The following CNTN6 variants were observed in gnomAD, a reference collection of about 807,000 sequenced individuals.
CNTN6 encodes the protein contactin 6, also known as contactin-6.
A neutral mutation model predicts 122.8 loss-of-function variants in CNTN6; 137 were observed. That is an observed-to-expected ratio of 1.12 (90% CI 0.97 to 1.29). The LOEUF is 1.29. CNTN6 is among the 50% of genes most tolerant of loss of function. The pLI is 0.00. For synonymous variants in CNTN6, 570 were observed against 426.0 expected (o/e 1.34, Z -4.16); for missense variants, 1,634 against 1,223.4 (o/e 1.34, Z -5.01).
At position 1,377,049 on chromosome 3, in the gene CNTN6, C is replaced by T. The variant is rs920176209; in HGVS notation, c.2140C>T (p.Arg714Trp). ...AAACATCCATGGAGGTGGAGGAAGT[C>T]GGTCTGAACTCGTCATTACGTGGGA... The part of the protein sequence containing the change: ...PVNIHGGGGS[R>W]SELVITWESI... The change falls in exon 17 of 23, where the codon CGG (arginine) becomes TGG (tryptophan). Residue 714 changes from arginine (R) to tryptophan (W), a missense_variant. Coordinates refer to ENST00000446702, the MANE Select transcript of CNTN6 (RefSeq NM_001289080.2). 3.1e-6 allele frequency: 5 copies of T among 1,601,502 alleles called. No individual in the cohort carries two copies. The highest frequency in any genetic ancestry group is 2.3e-5 in the East Asian group (1 of 44,284).
intron 7 of CNTN6, among the ~76,000 whole-genome samples, chr3:1,313,191 T>C (rs935415937): frequency 5.3e-5 from 8 of 152,114 alleles, no homozygotes; most frequent in African/African-American, 1.9e-4. Flanking sequence ...TATTATTTAT[T>C]AATAAAAAAT....
At chr3:1,352,595 C>A in intron 12 of CNTN6, 144 bp downstream of exon 12, 2 of 925,808 alleles carry the variant, frequency 2.2e-6, no homozygotes, top group Non-Finnish European at 3.2e-6. Flanking sequence ...CATTCCCGTA[C>A]TCATTAATAA....
chr3:1,167,924 T>C (rs1054197350), intron 2 of CNTN6, among the ~76,000 whole-genome samples: 1 of 152,206 alleles, frequency 6.6e-6, no homozygotes, highest in Admixed American at 6.5e-5. Context: ...TTCATTTATT[T>C]ATTTTGAGAT....
chr3:1,129,946 GATAC>G (rs1200287603), intron 1 of CNTN6, among the ~76,000 whole-genome samples: 18 of 152,048 alleles, frequency 1.2e-4, no homozygotes, highest in Admixed American at 2.6e-4. Context: ...CTTTTGAATA[GATAC>G]ATACATATAC....
At chr3:1,311,749 T>C (rs1213532868) in intron 7 of CNTN6, among the ~76,000 whole-genome samples, 1 of 151,684 alleles carries the variant, frequency 6.6e-6, no homozygotes, top group African/African-American at 2.4e-5. Context: ...TATTCTACTT[T>C]TAACATAATT....
At chr3:1,379,581 AT>A (rs892871142) in intron 17 of CNTN6, among the ~76,000 whole-genome samples, 19 of 150,640 alleles carry the variant, frequency 1.3e-4, no homozygotes, top group East Asian at 5.9e-4. Flanking sequence ...TAAAAGTTGA[AT>A]TTTTTTTTTA....
chr3:1,327,661 A>T, intron 10 of CNTN6, 75 bp downstream of exon 10: 1 of 1,457,298 alleles, frequency 6.9e-7, no homozygotes, highest in Non-Finnish European at 9.3e-7. Flanking sequence ...ATCCCAACCC[A>T]ATTTTTTTTG....
chr3:1,208,061 T>C (rs2093982032), intron 2 of CNTN6, among the ~76,000 whole-genome samples: 1 of 152,248 alleles, frequency 6.6e-6, no homozygotes, highest in East Asian at 1.9e-4. Flanking sequence ...TTATTCCTAC[T>C]GACAATGCCC....
Position 1,220,681 on chromosome 3 carries a change from T to C in CNTN6, c.56-6T>C, listed in dbSNP as rs902436392. On this transcript the variant is annotated splice_region_variant and splice_polypyrimidine_tract_variant and intron_variant, in intron 2 of 22. Coordinates refer to ENST00000446702, the MANE Select transcript of CNTN6 (RefSeq NM_001289080.2). ...TTTCATGTGATTTATTCTTTTCTTTTCCCAGGTGATGGTCTTTTAAGCCGT... is the reference window on the plus strand; with the variant it reads ...TTTCATGTGATTTATTCTTTTCTTTCCCCAGGTGATGGTCTTTTAAGCCGT... The C allele has an allele frequency of 1.4e-5, 23 of 1,599,334 alleles. No individual in the cohort carries two copies. The highest frequency in any genetic ancestry group is 1.8e-5 in the Non-Finnish European group (21 of 1,175,062).
intron 2 of CNTN6, among the ~76,000 whole-genome samples, chr3:1,177,241 TA>T (rs1262953373): frequency 6.6e-6 from 1 of 152,204 alleles, no homozygotes; most frequent in Admixed American, 6.5e-5. Context: ...AACTCAGATA[TA>T]AAAAATTTTG....
intron 2 of CNTN6, among the ~76,000 whole-genome samples, chr3:1,159,256 A>G (rs1276801831): frequency 6.6e-6 from 1 of 151,884 alleles, no homozygotes; most frequent in Non-Finnish European, 1.5e-5. Context: ...CAAGCCCTAT[A>G]CGCATTATGT....
chr3:1,334,843 T>C (rs155406), intron 11 of CNTN6, among the ~76,000 whole-genome samples: 48,008 of 151,996 alleles, frequency 0.32, 9,218 homozygotes, highest in African/African-American at 0.54. Context: ...TTAATTTGTT[T>C]AACTAATTTT....
intron 1 of CNTN6, among the ~76,000 whole-genome samples, chr3:1,117,959 T>C (rs1046184265): frequency 3.5e-4 from 54 of 152,176 alleles, no homozygotes; most frequent in African/African-American, 1.3e-3. Context: ...CTCCCTTCCC[T>C]GTCTCACTTT....
rs1184319004 is a variant in CNTN6 at position 1,300,808 on chromosome 3, CCTCT to C, written c.761+2824_761+2827del. On this transcript the variant is annotated intron_variant, in intron 7 of 22. Transcript: ENST00000446702. Reference sequence around the variant, plus strand: ...CATTCCCTTTCTCTCTCTCTCTCCCCCTCTCTCTCTTTCTTTCTCCACACACAAA... The same window carrying C: ...CATTCCCTTTCTCTCTCTCTCTCCCCCTCTCTTTCTTTCTCCACACACAAA... Among the ~76,000 whole-genome samples the C allele has an allele frequency of 3.3e-5, 5 of 151,732 alleles. No homozygotes were observed. The East Asian group carries it at 9.7e-4, about 29-fold the overall frequency.
chr3:1,149,933 C>G (rs1428728180), intron 2 of CNTN6, among the ~76,000 whole-genome samples: 1 of 152,112 alleles, frequency 6.6e-6, no homozygotes, highest in Admixed American at 6.6e-5. Context: ...TACTCCAGCT[C>G]TTATATTAAC....
chr3:1,182,888 AT>A (rs1291911488), intron 2 of CNTN6, among the ~76,000 whole-genome samples: 1 of 152,154 alleles, frequency 6.6e-6, no homozygotes, highest in African/African-American at 2.4e-5. Flanking sequence ...GGTCTATTCT[AT>A]ACCTTTTCGA....
At chr3:1,148,507 TATTC>T (rs2092771862) in intron 2 of CNTN6, among the ~76,000 whole-genome samples, 1 of 152,086 alleles carries the variant, frequency 6.6e-6, no homozygotes, top group African/African-American at 2.4e-5. Flanking sequence ...ATCAAAGCTA[TATTC>T]ATTTAGAAGA....
chr3:1,165,699 A>G (rs1181954469), intron 2 of CNTN6, among the ~76,000 whole-genome samples: 1 of 152,212 alleles, frequency 6.6e-6, no homozygotes, highest in Admixed American at 6.5e-5. Context: ...GGCAATAACC[A>G]TGAGATGTGC....
intron 11 of CNTN6, among the ~76,000 whole-genome samples, chr3:1,349,330 T>C (rs1434735977): frequency 6.6e-6 from 1 of 151,896 alleles, no homozygotes; most frequent in Non-Finnish European, 1.5e-5. Flanking sequence ...ATCTCTACTT[T>C]TATTATCAGA....
Sources: gnomAD v4.1 joint callset for allele counts (sites outside exome capture counted in the v4.1 genomes callset) on GRCh38, gnomAD v4.1.1 for gene constraint, MANE v1.5 for transcripts, NCBI Gene and HGNC (gene_info 2026-07-23, HGNC 2026-07-21) for gene names.